Variants in ZNF551 observed in about 807,000 individuals in gnomAD.
ZNF551 encodes the protein zinc finger protein 551.
A neutral mutation model predicts 7.9 loss-of-function variants in ZNF551; 5 were observed. That is an observed-to-expected ratio of 0.63 (90% confidence interval 0.33 to 1.33). The LOEUF is 1.33. Ranked by LOEUF, ZNF551 falls within the 40% of genes most tolerant of loss-of-function variation. The pLI is 0.05. For synonymous variants in ZNF551, 287 were observed against 277.3 expected, an observed-to-expected ratio of 1.03 and a Z score of -0.35; for missense variants, 788 against 825.2, an observed-to-expected ratio of 0.95 and a Z score of 0.55.
At position 57,682,022 on chromosome 19, in the gene ZNF551, C is replaced by A; in HGVS notation, c.-142C>A. ...CGTGGCGGTCATTTTGGCCTCTGTC[C>A]TGTTTGTCCAGCCCGCCAGTTTCTG... On this transcript the variant is annotated 5_prime_UTR_variant, in exon 1 of 3. The change creates a new upstream start codon in the 5' untranslated region. Coordinates refer to ENST00000282296, the MANE Select transcript of ZNF551 (RefSeq NM_138347.5). 2 of 875,510 alleles carry A rather than the reference C, an allele frequency of 2.3e-6. No homozygotes were observed. The highest frequency in any genetic ancestry group is 3.5e-6 in the Non-Finnish European group (2 of 576,772). The allele number at this position is 875,510 out of a possible 1,614,324, so 54.2% of individuals were successfully genotyped here.
chr19:57,682,946 T>C (rs907067927), intron 1 of ZNF551, among the ~76,000 whole-genome samples: 4 of 152,218 alleles, frequency 2.6e-5, no homozygotes, highest in Admixed American at 2.0e-4. Flanking sequence ...CAGTATATGC[T>C]AAGTTTGGAG....
At position 57,687,665 on chromosome 19, in the gene ZNF551, C is replaced by G. The variant is rs776705920; in HGVS notation, c.1390C>G (p.Arg464Gly). 27 of 1,614,014 alleles carry G rather than the reference C, an allele frequency of 1.7e-5. No individual in the cohort carries two copies. Among genetic ancestry groups the G allele is most frequent in the Non-Finnish European group, 2.3e-5 (27 of 1,180,048 alleles). The change falls in exon 3 of 3, where the codon CGA becomes GGA. Residue 464 changes from arginine (R) to glycine (G), a missense_variant. Coordinates refer to ENST00000282296, the MANE Select transcript of ZNF551 (RefSeq NM_138347.5). ...KSFRQFSNLI[R>G]HRSIHTGDRP... ...CTTTAGACAATTCTCTAACCTCATTCGACACCGCAGCATTCACACTGGTGA... is the reference window on the plus strand; with the variant it reads ...CTTTAGACAATTCTCTAACCTCATTGGACACCGCAGCATTCACACTGGTGA...
At chr19:57,685,466 G>A (rs1166607822) in intron 2 of ZNF551, 81 bp downstream of exon 2, 2 of 1,601,386 alleles carry the variant, frequency 1.2e-6, no homozygotes, top group Non-Finnish European at 1.7e-6. Context: ...CTTGCTGTCA[G>A]CCTAGTGGAT....
In ZNF551 at chr19:57,687,746, AT is replaced by A; in HGVS notation, c.1473del (p.Gln492AsnfsTer192). ...EKSFSRKFIL[I>X]QHQRVHTGER... is the part of the protein sequence containing the mutation. ...ATCCTTTAGCCGCAAATTTATCCTG[AT>A]TCAACACCAAAGAGTTCACACTGGA... On this transcript the variant is annotated frameshift_variant, in exon 3 of 3. Coordinates refer to ENST00000282296, the MANE Select transcript of ZNF551 (RefSeq NM_138347.5). LOFTEE classifies it low-confidence loss of function (END_TRUNC). 2 of 1,614,172 alleles carry A rather than the reference AT, an allele frequency of 1.2e-6. 1 individual carries two copies. The highest frequency in any genetic ancestry group is 2.2e-5 in the South Asian group (2 of 91,084).
intron 2 of ZNF551, among the ~76,000 whole-genome samples, chr19:57,686,263 C>T (rs1247222898): frequency 6.6e-6 from 1 of 152,188 alleles, no homozygotes; most frequent in African/African-American, 2.4e-5. Context: ...TCCTTCTCCT[C>T]CTGTGCTATA....
chr19:57,686,662 A>G lies in ZNF551; in HGVS notation c.387A>G (p.Gln129=), dbSNP rs1011766175. 7 of 1,614,210 alleles carry G rather than the reference A, an allele frequency of 4.3e-6. No individual in the cohort carries two copies. Among genetic ancestry groups the G allele is most frequent in the Non-Finnish European group, 5.9e-6 (7 of 1,180,040 alleles). The stretch of plus-strand genomic sequence containing the variant: ...AGCACCAAACCACATCCCCTGTGCA[A>G]AAGTCATACTTGGGTAGCACAAGCA... ...AAEHQTTSPV[Q]KSYLGSTSMR... Residue 129 remains glutamine, a synonymous_variant, in exon 3 of 3, where the codon CAA becomes CAG. Coordinates refer to ENST00000282296, the MANE Select transcript of ZNF551 (RefSeq NM_138347.5).
chr19:57,689,317 G>T lies in ZNF551; in HGVS notation c.*1029G>T, dbSNP rs1364668818. 2 of 152,192 alleles carry T rather than the reference G, an allele frequency of 1.3e-5. No individual in the cohort carries two copies. The highest frequency in any genetic ancestry group is 2.9e-5 in the Non-Finnish European group (2 of 68,034). The allele number at this position is 152,192 out of a possible 1,614,324, so 9.4% of individuals were successfully genotyped here. On this transcript the variant is annotated 3_prime_UTR_variant, in exon 3 of 3. Coordinates refer to ENST00000282296, the MANE Select transcript of ZNF551 (RefSeq NM_138347.5). Reference sequence around the variant, plus strand: ...TGCCATTTGTTGTCAGACTATAGGTGTGGAGGTGAAATTACAGGTTCAACA... The same window carrying T: ...TGCCATTTGTTGTCAGACTATAGGTTTGGAGGTGAAATTACAGGTTCAACA...
At position 57,688,128 on chromosome 19, in the gene ZNF551, G is replaced by C; in HGVS notation, c.1853G>C (p.Ser618Thr). Residue 618 changes from serine (S) to threonine (T), a missense_variant, in exon 3 of 3, where the codon AGT (serine) becomes ACT (threonine). Transcript: ENST00000282296. ...ACTGGAGAAAGACCTTATGAGTGCAGTCAATGTGGGAAACCCTTTACCCAC... is the reference window on the plus strand; with the variant it reads ...ACTGGAGAAAGACCTTATGAGTGCACTCAATGTGGGAAACCCTTTACCCAC... ...GHTGERPYEC[S>T]QCGKPFTHKS... 6.2e-7 allele frequency: 1 copy of C among 1,614,114 alleles called. No homozygotes were observed. Among genetic ancestry groups the C allele is most frequent in the African/African-American group, 1.3e-5 (1 of 75,034 alleles).
chr19:57,683,739 T>G (rs1485543435), intron 1 of ZNF551, among the ~76,000 whole-genome samples: 1 of 152,074 alleles, frequency 6.6e-6, no homozygotes, highest in East Asian at 1.9e-4. Context: ...ACAGAAGTGT[T>G]CACGGTGAGG....
At position 57,686,684 on chromosome 19, in the gene ZNF551, A is replaced by G. The variant is rs769740036; in HGVS notation, c.409A>G (p.Ser137Gly). ...GCAAAAGTCATACTTGGGTAGCACA[A>G]GCATGAGAGGCTTCTGCTTCAGTGC... ...PVQKSYLGST[S>G]MRGFCFSADL... Residue 137 changes from serine (S) to glycine (G), a missense_variant, in exon 3 of 3, where the codon AGC becomes GGC. Transcript: ENST00000282296. 2 of 1,614,252 alleles carry G rather than the reference A, an allele frequency of 1.2e-6. No homozygotes were observed. The highest frequency in any genetic ancestry group is 8.5e-7 in the Non-Finnish European group (1 of 1,180,042).
intron 2 of ZNF551, 24 bp downstream of exon 2, chr19:57,685,409 G>A: frequency 6.2e-7 from 1 of 1,613,938 alleles, no homozygotes; most frequent in South Asian, 1.1e-5. Context: ...ATCCCTCCGA[G>A]TGTCTGCTTT....
rs67512913 is a variant in ZNF551, at chr19:57,690,372, T to TACACACACACAC, written c.*2103_*2114dup. ...TTTCTGGAGTTTTTACTGAGATACA[T>TACACACACACAC]ACACACACACACACACACACACACA... On this transcript the variant is annotated 3_prime_UTR_variant, in exon 3 of 3. Transcript: ENST00000282296. 2.1e-3 allele frequency: 313 copies of TACACACACACAC among 149,198 alleles called. 2 individuals carry two copies. The highest frequency in any genetic ancestry group is 7.2e-3 in the African/African-American group (296 of 40,870). 9.2% of individuals were successfully genotyped at this position (149,198 alleles called of 1,614,324 possible).
At position 57,689,846 on chromosome 19, in the gene ZNF551, A is replaced by G. The variant is rs548918822; in HGVS notation, c.*1558A>G. The G allele has an allele frequency of 7.2e-5, 11 of 152,414 alleles. No individual in the cohort carries two copies. Among genetic ancestry groups the G allele is most frequent in the African/African-American group, 2.6e-4 (11 of 41,530 alleles). The allele number at this position is 152,414 out of a possible 1,614,324, so 9.4% of individuals were successfully genotyped here. On this transcript the variant is annotated 3_prime_UTR_variant, in exon 3 of 3. Coordinates refer to ENST00000282296, the MANE Select transcript of ZNF551 (RefSeq NM_138347.5). ...CTATAAAGGTTTTGTGGCTCCTTGT[A>G]TCCTGTCTGGGCTGTTCACCTCAAG... is the stretch of plus-strand genomic sequence containing the variant.
Position 57,686,544 on chromosome 19 carries a change from G to C in ZNF551, c.269G>C (p.Arg90Thr). The C allele has an allele frequency of 6.2e-7, 1 of 1,614,166 alleles. No individual in the cohort carries two copies. The highest frequency in any genetic ancestry group is 8.5e-7 in the Non-Finnish European group (1 of 1,180,030). ...GAGCAGAGTGTATCTATACAGGTCA[G>C]GACTTCTAAGGGCAATACACCCACC... ...ASEQSVSIQV[R>T]TSKGNTPTQK... The change falls in exon 3 of 3, where the codon AGG becomes ACG. Residue 90 changes from arginine (R) to threonine (T), a missense_variant. Physicochemically the swap from Arg to Thr is moderately conservative, Grantham distance 71. Coordinates refer to ENST00000282296, the MANE Select transcript of ZNF551 (RefSeq NM_138347.5).
In ZNF551 at chr19:57,687,653, T is replaced by G; in HGVS notation, c.1378T>G (p.Ser460Ala). Residue 460 changes from serine (S) to alanine (A), a missense_variant, in exon 3 of 3, where the codon TCT becomes GCT. Physicochemically the swap from Ser to Ala is moderately conservative, Grantham distance 99. Transcript: ENST00000282296. ...ATGTGGGAAATCCTTTAGACAATTC[T>G]CTAACCTCATTCGACACCGCAGCAT... ...RECGKSFRQF[S>A]NLIRHRSIHT... is the part of the protein sequence containing the mutation. 6 of 1,614,160 alleles carry G rather than the reference T, an allele frequency of 3.7e-6. No individual in the cohort carries two copies. The highest frequency in any genetic ancestry group is 5.1e-6 in the Non-Finnish European group (6 of 1,180,036).
chr19:57,685,551 C>T, intron 2 of ZNF551, 166 bp downstream of exon 2: 1 of 1,036,828 alleles, frequency 9.6e-7, no homozygotes, highest in South Asian at 1.3e-5. Context: ...AGTTTCTGCC[C>T]TTTTCCTCTA....
Position 57,686,606 on chromosome 19 carries a change from C to G in ZNF551, c.331C>G (p.Pro111Ala). 9 of 1,614,174 alleles carry G rather than the reference C, an allele frequency of 5.6e-6. No homozygotes were observed. Among genetic ancestry groups the G allele is most frequent in the Non-Finnish European group, 6.8e-6 (8 of 1,180,034 alleles). ...CCTCAGTGAGATTAAGATGTGTGTC[C>G]CAGTCTTGAAAGACATTTTGCCTGC... ...THLSEIKMCVPVLKDILPAAE... is the reference protein window; with the variant it reads ...THLSEIKMCVAVLKDILPAAE... Residue 111 changes from proline (P) to alanine (A), a missense_variant, in exon 3 of 3, where the codon CCA becomes GCA. Physicochemically the swap from Pro to Ala is conservative, Grantham distance 27 (BLOSUM62 -1). Transcript: ENST00000282296.
At position 57,682,237 on chromosome 19, in the gene ZNF551, C is replaced by T; in HGVS notation, c.74C>T (p.Ser25Leu). Residue 25 changes from serine (S) to leucine (L), a missense_variant, in exon 1 of 3, where the codon TCG becomes TTG. By Grantham distance (145) the Ser-to-Leu change is moderately radical (BLOSUM62 -2). Coordinates refer to ENST00000282296, the MANE Select transcript of ZNF551 (RefSeq NM_138347.5). The part of the protein sequence containing the change: ...SSMAAVALRD[S>L]AQGMTFEDVA... ...ATGGCGGCAGTCGCGCTGAGGGACT[C>T]GGCTCAGGTGAGTTGTGCGTCCTCC... 5 of 1,550,540 alleles carry T rather than the reference C, an allele frequency of 3.2e-6. No individual in the cohort carries two copies. The highest frequency in any genetic ancestry group is 4.4e-6 in the Non-Finnish European group (5 of 1,146,930).
chr19:57,683,685 G>A (rs1426204921), intron 1 of ZNF551, among the ~76,000 whole-genome samples: 1 of 152,176 alleles, frequency 6.6e-6, no homozygotes, highest in Non-Finnish European at 1.5e-5. Flanking sequence ...CAGGTCTCCT[G>A]TGTGAGCCCC....
Sources: gnomAD v4.1 joint callset for allele counts (sites outside exome capture counted in the v4.1 genomes callset) on GRCh38, gnomAD v4.1.1 for gene constraint, MANE v1.5 for transcripts, NCBI Gene and HGNC (gene_info 2026-07-23, HGNC 2026-07-21) for gene names.